SAG: variants seen among roughly 807,000 people sequenced by gnomAD.
SAG encodes S-arrestin.
Under a neutral mutation model 55.0 loss-of-function variants are expected in SAG, and 45 were observed. That is an observed-to-expected ratio of 0.82 (90% CI 0.64 to 1.05). The LOEUF is 1.05. Ranked by LOEUF, SAG falls within the 50% of genes least tolerant of loss-of-function variation. The pLI is 0.00. For missense variants in SAG, 455 were observed against 512.1 expected (o/e 0.89, Z 1.08); for synonymous variants, 189 against 197.4 (o/e 0.96, Z 0.36).
intron 14 of SAG, 162 bp downstream of exon 14, chr2:233,342,488 G>A (rs1701134710): frequency 1.3e-5 from 9 of 672,300 alleles, no homozygotes; most frequent in South Asian, 3.4e-5. Flanking sequence ...GGGAAGGGAG[G>A]GCCCATCTGT....
Position 233,328,623 on chromosome 2 carries a change from T to C in SAG, c.648+10T>C. 1 of 1,603,248 alleles carries C rather than the reference T, an allele frequency of 6.2e-7. No homozygotes were observed. Among genetic ancestry groups the C allele is most frequent in the Middle Eastern group, 1.7e-4 (1 of 5,998 alleles). On this transcript the variant is annotated intron_variant, in intron 8 of 15. Transcript: ENST00000409110. Reference sequence around the variant, plus strand: ...CTCTCTCAACAAAGAGGTAACCACCTACCATCGCTACTACCCGCAGGGCAG... The same window carrying C: ...CTCTCTCAACAAAGAGGTAACCACCCACCATCGCTACTACCCGCAGGGCAG...
chr2:233,332,764 T>G (rs1040046799), intron 10 of SAG: 1 of 151,608 alleles, frequency 6.6e-6, no homozygotes, highest in African/African-American at 2.4e-5. Flanking sequence ...TGGGTTCAAG[T>G]GATTCTCCTG....
At chr2:233,331,014 C>T (rs149631926) in intron 9 of SAG, among the ~76,000 whole-genome samples, 3 of 152,128 alleles carry the variant, frequency 2.0e-5, no homozygotes, top group African/African-American at 7.2e-5. Context: ...GAGTTCAAGA[C>T]CAGCCTGGGC....
intron 10 of SAG, 40 bp downstream of exon 10, chr2:233,331,752 G>A: frequency 6.9e-7 from 1 of 1,441,344 alleles, no homozygotes; most frequent in Non-Finnish European, 9.7e-7. Context: ...GGGCGTCTCA[G>A]CCTTCTGTGT....
rs1700770009 is a variant in SAG, at chr2:233,331,707, A to G, written c.801A>G (p.Glu267=). The change falls in exon 10 of 16, where the codon GAA becomes GAG. Residue 267 remains glutamate (E), a synonymous_variant. Transcript: ENST00000409110. ...DYYVKPVAME[E]AQEKVPPNST... ...ACGTCAAGCCCGTGGCTATGGAGGA[A>G]GCGCAGTGAGTAGCTGTTGGGGTTT... 1 of 1,612,118 alleles carries G rather than the reference A, an allele frequency of 6.2e-7. No homozygotes were observed. Among genetic ancestry groups the G allele is most frequent in the Non-Finnish European group, 8.5e-7 (1 of 1,178,362 alleles).
intron 5 of SAG, among the ~76,000 whole-genome samples, chr2:233,321,867 A>G (rs1700388999): frequency 6.6e-6 from 1 of 152,182 alleles, no homozygotes; most frequent in Non-Finnish European, 1.5e-5. Flanking sequence ...TTGAAGTGAC[A>G]TAACCTTTTA....
In SAG at chr2:233,329,504, T is replaced by C. The variant is rs1476544297; in HGVS notation, c.660T>C (p.His220=). The C allele has an allele frequency of 3.1e-6, 5 of 1,611,762 alleles. No individual in the cohort carries two copies. The East Asian group carries it at 1.1e-4, about 36-fold the overall frequency. The change falls in exon 9 of 16, where the codon CAT becomes CAC. Residue 220 remains histidine, a synonymous_variant. Transcript: ENST00000409110. ...AVSLNKEIYF[H]GEPIPVTVTV... Reference sequence around the variant, plus strand: ...GCTGACTTTTCTAGATCTATTTCCATGGGGAGCCCATCCCTGTGACCGTGA... The same window carrying C: ...GCTGACTTTTCTAGATCTATTTCCACGGGGAGCCCATCCCTGTGACCGTGA...
chr2:233,314,761 G>A (rs559088568), intron 2 of SAG, among the ~76,000 whole-genome samples: 132 of 152,266 alleles, frequency 8.7e-4, no homozygotes, highest in African/African-American at 3.0e-3. Context: ...TCATTCATGC[G>A]AGTAACCTAG....
chr2:233,346,543 C>A lies in SAG; in HGVS notation c.1112+131C>A, dbSNP rs767987695. 14 of 1,008,576 alleles carry A rather than the reference C, an allele frequency of 1.4e-5. No individual in the cohort carries two copies. In the Admixed American group the frequency reaches 2.3e-4, roughly 16 times the overall value. The allele number at this position is 1,008,576 out of a possible 1,614,324, so 62.5% of individuals were successfully genotyped here. A position where few individuals can be genotyped will look rare whatever the true frequency, so the allele number is the denominator to read the frequency against. On this transcript the variant is annotated intron_variant, in intron 15 of 15. Coordinates refer to ENST00000409110, the MANE Select transcript of SAG (RefSeq NM_000541.5). ...GCCGGCTCAGGAGGCACATCCGCTACTTCCCGTCTGCTCCCTAGTGCTTAC... is the reference window on the plus strand; with the variant it reads ...GCCGGCTCAGGAGGCACATCCGCTAATTCCCGTCTGCTCCCTAGTGCTTAC...
At chr2:233,328,360 C>G in intron 7 of SAG, 118 bp from the exon 8 acceptor site, 1 of 1,287,956 alleles carries the variant, frequency 7.8e-7, no homozygotes, top group African/African-American at 1.5e-5. Context: ...TCCCGTCCAC[C>G]CTGTCTCCAT....
intron 14 of SAG, chr2:233,343,828 T>C: frequency 1.1e-6 from 1 of 911,744 alleles, no homozygotes; most frequent in Non-Finnish European, 1.3e-6. Flanking sequence ...ACTTTACAAA[T>C]AGCTTTTCTA....
chr2:233,330,729 G>C (rs1417304901), intron 9 of SAG, among the ~76,000 whole-genome samples: 1 of 151,900 alleles, frequency 6.6e-6, no homozygotes, highest in Non-Finnish European at 1.5e-5. Context: ...TGGGGATTTC[G>C]CCATGTTGGC....
At position 233,327,154 on chromosome 2, in the gene SAG, G is replaced by A. The variant is rs201283305; in HGVS notation, c.469G>A (p.Ala157Thr). The A allele has an allele frequency of 3.7e-5, 60 of 1,613,836 alleles. No individual in the cohort carries two copies. In the East Asian group the frequency reaches 4.0e-4, roughly 11 times the overall value. ...CGVDFEVKAF[A>T]TDSTDAEEDK... ...GGTTGACTTTGAGGTCAAAGCATTC[G>A]CCACAGACAGCACCGATGCCGAAGA... The change falls in exon 7 of 16, where the codon GCC (alanine) becomes ACC (threonine). Residue 157 changes from alanine to threonine, a missense_variant. Physicochemically the swap from Ala to Thr is moderately conservative, Grantham distance 58. Transcript: ENST00000409110.
chr2:233,309,297 AATT>A (rs1700013954), intron 2 of SAG, 33 bp downstream of exon 2: 2 of 1,572,084 alleles, frequency 1.3e-6, no homozygotes, highest in Non-Finnish European at 8.7e-7. Context: ...ATTTGATAGA[AATT>A]ATTGTTTAAA....
chr2:233,346,434 G>A (rs762428563), intron 15 of SAG, 22 bp downstream of exon 15: 7 of 1,613,252 alleles, frequency 4.3e-6, no homozygotes, highest in South Asian at 1.1e-5. Context: ...TCTTGAATGT[G>A]GCCCTGATTT....
rs750268255 is a variant in SAG, at chr2:233,320,636, T to C, written c.188T>C (p.Val63Ala). ...PDLVKGKKVY[V>A]TLTCAFRYGQ... ...GCCTTCATCTCCCTTGCAGTGTATG[T>C]CACTCTGACCTGCGCCTTCCGCTAT... Residue 63 changes from valine (V) to alanine (A), a missense_variant, in exon 5 of 16, where the codon GTC becomes GCC. By Grantham distance (64) the Val-to-Ala change is moderately conservative (BLOSUM62 0). Coordinates refer to ENST00000409110, the MANE Select transcript of SAG (RefSeq NM_000541.5). 12 of 1,592,830 alleles carry C rather than the reference T, an allele frequency of 7.5e-6. No homozygotes were observed. Among genetic ancestry groups the C allele is most frequent in the Non-Finnish European group, 1.0e-5 (12 of 1,170,452 alleles).
intron 11 of SAG, chr2:233,338,462 A>C: frequency 1.7e-6 from 1 of 580,254 alleles, no homozygotes; most frequent in Non-Finnish European, 3.1e-6. Context: ...GAACTTCTAG[A>C]GGAGAAGACA....
Position 233,328,614 on chromosome 2 carries a change from G to A in SAG, c.648+1G>A. 1.2e-6 allele frequency: 2 copies of A among 1,608,372 alleles called. No individual in the cohort carries two copies. Among genetic ancestry groups the A allele is most frequent in the Non-Finnish European group, 8.5e-7 (1 of 1,176,040 alleles). On this transcript the variant is annotated splice_donor_variant, in intron 8 of 15. Transcript: ENST00000409110. LOFTEE classifies it high-confidence loss of function. ...CCTTGCGGTCTCTCTCAACAAAGAG[G>A]TAACCACCTACCATCGCTACTACCC...
rs556072367 is a variant in SAG at position 233,342,016 on chromosome 2, C to T, written c.1047-255C>T. On this transcript the variant is annotated intron_variant, in intron 13 of 15. Coordinates refer to ENST00000409110, the MANE Select transcript of SAG (RefSeq NM_000541.5). ...GCATGCATTTGTAGTCCCAGCTACT[C>T]GGGAGGCTGAGATAGGAGAATTGCA... Among the ~76,000 whole-genome samples the T allele has an allele frequency of 4.6e-5, 7 of 150,968 alleles. No individual in the cohort carries two copies. In the South Asian group the frequency reaches 6.3e-4, roughly 14 times the overall value.
Sources: gnomAD v4.1 joint callset for allele counts (sites outside exome capture counted in the v4.1 genomes callset) on GRCh38, gnomAD v4.1.1 for gene constraint, MANE v1.5 for transcripts, NCBI Gene and HGNC (gene_info 2026-07-23, HGNC 2026-07-21) for gene names.